Variants in TP63 observed in about 807,000 individuals in gnomAD.
TP63 encodes the protein tumor protein p63.
Under a neutral mutation model 82.8 loss-of-function variants are expected in TP63, and 17 were observed. That is an observed-to-expected ratio of 0.21 (90% confidence interval 0.14 to 0.31). TP63 has a LOEUF of 0.31. Among genes scored for constraint, TP63 ranks in the 10% least tolerant of loss-of-function variants. TP63 has a pLI of 1.00. For synonymous variants in TP63, 330 were observed against 321.7 expected (o/e 1.03, Z -0.28); for missense variants, 648 against 895.3 (o/e 0.72, Z 3.52).
intron 1 of TP63, among the ~76,000 whole-genome samples, chr3:189,698,476 G>T (rs1018523666): frequency 3.9e-5 from 6 of 151,952 alleles, no homozygotes; most frequent in South Asian, 2.1e-4. Flanking sequence ...GTTATTTCTC[G>T]AAGGGGGAAT....
intron 3 of TP63, among the ~76,000 whole-genome samples, chr3:189,757,196 T>G (rs1722249040): frequency 6.6e-6 from 1 of 152,222 alleles, no homozygotes; most frequent in African/African-American, 2.4e-5. Flanking sequence ...TGGTGACTTC[T>G]CCAACATTTC....
chr3:189,667,999 G>T (rs1714553707), intron 1 of TP63, among the ~76,000 whole-genome samples: 1 of 152,068 alleles, frequency 6.6e-6, no homozygotes, highest in Admixed American at 6.6e-5. Flanking sequence ...CTACCCAAGA[G>T]TAAGGCCTAT....
intron 4 of TP63, among the ~76,000 whole-genome samples, chr3:189,819,474 G>T (rs1343789844): frequency 6.6e-6 from 1 of 151,792 alleles, no homozygotes; most frequent in Non-Finnish European, 1.5e-5. Context: ...TCCCCAGTGT[G>T]TGATGTTCCC....
chr3:189,852,790 C>T (rs1365363332), intron 4 of TP63, among the ~76,000 whole-genome samples: 2 of 152,166 alleles, frequency 1.3e-5, no homozygotes, highest in African/African-American at 2.4e-5. Flanking sequence ...CAAGGCTCCT[C>T]AGAATCTGGT....
chr3:189,858,072 A>G (rs924918420), intron 4 of TP63, among the ~76,000 whole-genome samples: 5 of 152,394 alleles, frequency 3.3e-5, no homozygotes, highest in Admixed American at 6.5e-5. Context: ...AAGATATGCA[A>G]TCAACCTAAG....
At chr3:189,620,503 C>T in the TP63 span, among the ~76,000 whole-genome samples, 6 of 76,758 alleles carry the variant, frequency 7.8e-5, no homozygotes, top group South Asian at 3.3e-3. Flanking sequence ...AGCAAGACTC[C>T]ATCAAAAAAA....
intron 3 of TP63, among the ~76,000 whole-genome samples, chr3:189,776,984 A>G (rs1050145884): frequency 1.3e-5 from 2 of 152,198 alleles, no homozygotes; most frequent in East Asian, 3.9e-4. Flanking sequence ...GTCATAGGAA[A>G]TAAGAGGCCT....
chr3:189,630,105 A>T (rs929082535), upstream of TP63, among the ~76,000 whole-genome samples: 21 of 152,170 alleles, frequency 1.4e-4, no homozygotes, highest in African/African-American at 5.1e-4. Flanking sequence ...CAACAAATAA[A>T]ATATTTTTAT....
At chr3:189,816,092 T>C (rs1728153969) in intron 4 of TP63, among the ~76,000 whole-genome samples, 1 of 152,200 alleles carries the variant, frequency 6.6e-6, no homozygotes, top group South Asian at 2.1e-4. Context: ...AAAGTTGCAC[T>C]CAGAAAAGAG....
intron 1 of TP63, among the ~76,000 whole-genome samples, chr3:189,660,456 G>T (rs1296559543): frequency 2.6e-5 from 4 of 151,678 alleles, no homozygotes; most frequent in Admixed American, 6.6e-5. Flanking sequence ...GTAGCATGCT[G>T]TTTTGGTCAC....
At chr3:189,617,981 T>A in the TP63 span, among the ~76,000 whole-genome samples, 5 of 152,194 alleles carry the variant, frequency 3.3e-5, no homozygotes, top group African/African-American at 1.2e-4. Context: ...GATAGCAACA[T>A]TAACTCAAAC....
chr3:189,774,027 A>G (rs1360274425), intron 3 of TP63, among the ~76,000 whole-genome samples: 1 of 139,452 alleles, frequency 7.2e-6, no homozygotes. Flanking sequence ...GGTTCATGCC[A>G]TTCTCCTGCC....
At chr3:189,824,320 C>T (rs193125517) in intron 4 of TP63, among the ~76,000 whole-genome samples, 2,344 of 151,962 alleles carry the variant, frequency 0.015, 24 homozygotes, top group Middle Eastern at 0.044. Context: ...GGGTTCGAGC[C>T]ATTCCGGATT....
At chr3:189,676,753 G>T (rs1715433578) in intron 1 of TP63, among the ~76,000 whole-genome samples, 1 of 151,964 alleles carries the variant, frequency 6.6e-6, no homozygotes, top group Non-Finnish European at 1.5e-5. Flanking sequence ...TCTGTGGCCT[G>T]TTAGGAACTG....
At chr3:189,761,834 T>G (rs1048023091) in intron 3 of TP63, among the ~76,000 whole-genome samples, 14 of 152,190 alleles carry the variant, frequency 9.2e-5, no homozygotes, top group Non-Finnish European at 1.6e-4. Flanking sequence ...CAATCATGGC[T>G]GAAGGCAAGG....
chr3:189,851,118 A>G (rs1175170008), intron 4 of TP63, among the ~76,000 whole-genome samples: 1 of 152,198 alleles, frequency 6.6e-6, no homozygotes, highest in Non-Finnish European at 1.5e-5. Flanking sequence ...AGAATTTTTT[A>G]ATCTATTTTT....
chr3:189,629,657 T>C (rs1253852204), upstream of TP63, among the ~76,000 whole-genome samples: 1 of 152,126 alleles, frequency 6.6e-6, no homozygotes, highest in African/African-American at 2.4e-5. Flanking sequence ...ATGCAGAGTC[T>C]TAGGCCTCAC....
intron 3 of TP63, among the ~76,000 whole-genome samples, chr3:189,781,948 A>G (rs777243116): frequency 6.9e-4 from 105 of 152,314 alleles, no homozygotes; most frequent in Non-Finnish European, 1.2e-3. Flanking sequence ...TAGGATCACA[A>G]TTATATAGGA....
At chr3:189,672,645 G>GAA (rs1714999584) in intron 1 of TP63, among the ~76,000 whole-genome samples, 1 of 136,344 alleles carries the variant, frequency 7.3e-6, no homozygotes, top group African/African-American at 2.7e-5. Flanking sequence ...AGGGAGGGAG[G>GAA]GAGGGAGGAA....
Sources: allele counts gnomAD v4.1 joint callset (sites outside exome capture counted in the v4.1 genomes callset), GRCh38; gene constraint gnomAD v4.1.1; transcripts MANE v1.5; gene names NCBI Gene and HGNC (gene_info 2026-07-23, HGNC 2026-07-21).